ANKS1B: variants seen among roughly 807,000 people sequenced by gnomAD.
The protein encoded by ANKS1B is ankyrin repeat and sterile alpha motif domain-containing protein 1B.
Under a neutral mutation model 148.3 loss-of-function variants are expected in ANKS1B, and 36 were observed. That is an observed-to-expected ratio of 0.24 (90% confidence interval 0.19 to 0.32). ANKS1B has a LOEUF of 0.32. Among genes scored for constraint, ANKS1B ranks in the 10% least tolerant of loss-of-function variants. ANKS1B has a pLI of 1.00. For synonymous variants in ANKS1B, 542 were observed against 560.8 expected (o/e 0.97, Z 0.47); for missense variants, 1,157 against 1,542.6 (o/e 0.75, Z 4.19).
chr12:99,811,076 GATAA>G (rs1417038118), intron 3 of ANKS1B, among the ~76,000 whole-genome samples: 1 of 151,844 alleles, frequency 6.6e-6, no homozygotes, highest in Non-Finnish European at 1.5e-5. Context: ...TTTTTATTGT[GATAA>G]ATATTAATAA....
At chr12:98,880,697 G>A (rs1394099427) in intron 17 of ANKS1B, among the ~76,000 whole-genome samples, 2 of 152,284 alleles carry the variant, frequency 1.3e-5, no homozygotes, top group African/African-American at 4.8e-5. Flanking sequence ...GAACCCGGAA[G>A]GCGGAGCTTG....
At chr12:99,217,468 C>A (rs557521358) in intron 14 of ANKS1B, among the ~76,000 whole-genome samples, 1 of 152,174 alleles carries the variant, frequency 6.6e-6, no homozygotes, top group South Asian at 2.1e-4. Flanking sequence ...CTGGATGTTC[C>A]ATTATGTTTC....
chr12:99,436,039 T>G (rs2095455528), intron 11 of ANKS1B, among the ~76,000 whole-genome samples: 2 of 152,006 alleles, frequency 1.3e-5, no homozygotes, highest in African/African-American at 4.8e-5. Flanking sequence ...ATCTTTCTGT[T>G]TTTAGCCTTC....
intron 11 of ANKS1B, among the ~76,000 whole-genome samples, chr12:99,430,966 C>A (rs967039278): frequency 6.6e-6 from 1 of 152,142 alleles, no homozygotes; most frequent in African/African-American, 2.4e-5. Flanking sequence ...GGAGAGAAAG[C>A]AAGCAGTGTG....
At chr12:99,509,603 A>G (rs190603062) in intron 9 of ANKS1B, among the ~76,000 whole-genome samples, 1 of 152,078 alleles carries the variant, frequency 6.6e-6, no homozygotes, top group East Asian at 1.9e-4. Flanking sequence ...AGAAGTTTGA[A>G]GCTGGCTGTG....
chr12:99,848,650 A>G (rs572041745), intron 1 of ANKS1B, among the ~76,000 whole-genome samples: 84 of 152,286 alleles, frequency 5.5e-4, no homozygotes, highest in Admixed American at 1.0e-3. Context: ...TCATATCTAT[A>G]TACAAGAAAT....
chr12:99,449,578 T>G (rs181897959), intron 10 of ANKS1B, among the ~76,000 whole-genome samples: 56 of 152,124 alleles, frequency 3.7e-4, no homozygotes, highest in Non-Finnish European at 6.8e-4. Flanking sequence ...AAAAGAAAAA[T>G]AACTTGTATG....
intron 8 of ANKS1B, among the ~76,000 whole-genome samples, chr12:99,754,982 AAAAC>A (rs2061433841): frequency 1.3e-5 from 2 of 152,166 alleles, no homozygotes; most frequent in Non-Finnish European, 2.9e-5. Flanking sequence ...AGTAGAGTAC[AAAAC>A]ATAACCAAAA....
intron 9 of ANKS1B, among the ~76,000 whole-genome samples, chr12:99,628,270 G>A (rs1021457225): frequency 6.6e-6 from 1 of 152,126 alleles, no homozygotes; most frequent in African/African-American, 2.4e-5. Context: ...TTCATTGACT[G>A]AAAGGTAATT....
chr12:98,810,814 G>A (rs1042630400), intron 19 of ANKS1B, among the ~76,000 whole-genome samples: 2 of 152,192 alleles, frequency 1.3e-5, no homozygotes, highest in African/African-American at 2.4e-5. Flanking sequence ...ACTCCATTTT[G>A]TATGAAATCC....
At chr12:99,310,193 C>T (rs2082944770) in intron 12 of ANKS1B, among the ~76,000 whole-genome samples, 1 of 152,114 alleles carries the variant, frequency 6.6e-6, no homozygotes, top group Non-Finnish European at 1.5e-5. Context: ...ATGTTTTCAA[C>T]TCATGCTCAA....
intron 9 of ANKS1B, among the ~76,000 whole-genome samples, chr12:99,653,652 A>AT (rs967168282): frequency 7.3e-6 from 1 of 136,520 alleles, no homozygotes; most frequent in Non-Finnish European, 1.6e-5. Context: ...TAAAGAAGAC[A>AT]TTTTTTTCTC....
chr12:98,892,851 G>T (rs915332636), intron 17 of ANKS1B, among the ~76,000 whole-genome samples: 1 of 152,024 alleles, frequency 6.6e-6, no homozygotes, highest in African/African-American at 2.4e-5. Flanking sequence ...GTTGTCTCCC[G>T]TTTCTACACA....
chr12:98,778,746 AT>A (rs1328530044), intron 24 of ANKS1B, among the ~76,000 whole-genome samples: 1 of 152,120 alleles, frequency 6.6e-6, no homozygotes, highest in African/African-American at 2.4e-5. Context: ...TGATGGTAGT[AT>A]TTCTCAGTCT....
At chr12:99,915,175 A>T (rs1030321623) in intron 1 of ANKS1B, among the ~76,000 whole-genome samples, 1 of 143,652 alleles carries the variant, frequency 7.0e-6, no homozygotes, top group Non-Finnish European at 1.5e-5. Flanking sequence ...CAGTGAGCTG[A>T]GGTCGCACCA....
chr12:99,701,532 T>C (rs1037772042), intron 8 of ANKS1B, among the ~76,000 whole-genome samples: 1 of 152,196 alleles, frequency 6.6e-6, no homozygotes, highest in African/African-American at 2.4e-5. Context: ...TTCTTTGTGC[T>C]ACAAACATTC....
intron 10 of ANKS1B, among the ~76,000 whole-genome samples, chr12:99,486,738 C>G (rs980265009): frequency 6.6e-6 from 1 of 152,096 alleles, no homozygotes; most frequent in African/African-American, 2.4e-5. Context: ...GGAAAGTTAT[C>G]CACCTCTCAG....
At chr12:99,660,363 CTTT>C (rs71088137) in intron 8 of ANKS1B, among the ~76,000 whole-genome samples, 6 of 120,550 alleles carry the variant, frequency 5.0e-5, no homozygotes, top group African/African-American at 1.3e-4. Context: ...TTTTCTTTTT[CTTT>C]TTTTTTTTTT....
intron 17 of ANKS1B, among the ~76,000 whole-genome samples, chr12:98,951,125 A>G (rs2099853469): frequency 6.6e-6 from 1 of 152,118 alleles, no homozygotes; most frequent in Non-Finnish European, 1.5e-5. Context: ...GGTTTAGAAC[A>G]ATTGCTCCAA....
Sources: allele counts gnomAD v4.1 joint callset (sites outside exome capture counted in the v4.1 genomes callset), GRCh38; gene constraint gnomAD v4.1.1; transcripts MANE v1.5; gene names NCBI Gene and HGNC (gene_info 2026-07-23, HGNC 2026-07-21).